TMPRSS11F: variants seen among roughly 807,000 people sequenced by gnomAD.
TMPRSS11F encodes the protein transmembrane protease serine 11F.
A neutral mutation model predicts 60.2 loss-of-function variants in TMPRSS11F; 47 were observed. That is an observed-to-expected ratio of 0.78 (90% CI 0.62 to 1.00). The LOEUF is 1.00. TMPRSS11F is among the 50% of genes least tolerant of loss of function. TMPRSS11F has a pLI of 0.00. For synonymous variants in TMPRSS11F, 166 were observed against 167.3 expected (o/e 0.99, Z 0.06); for missense variants, 519 against 522.9 (o/e 0.99, Z 0.07).
In TMPRSS11F at chr4:68,058,736, G is replaced by T. The variant is rs112379691; in HGVS notation, c.1158+590C>A. On this transcript the variant is annotated intron_variant, in intron 9 of 9. Coordinates refer to ENST00000356291, the MANE Select transcript of TMPRSS11F (RefSeq NM_207407.2). ...TTGGGAATGAGAGTTGGTAGACTAG[G>T]GTATAACATAGTAAGTGTATATAGG... Among the ~76,000 whole-genome samples, 255 of 152,258 alleles carry T rather than the reference G, an allele frequency of 1.7e-3. 2 individuals are homozygous for T. Among genetic ancestry groups the T allele is most frequent in the African/African-American group, 6.0e-3 (249 of 41,554 alleles).
Position 68,094,404 on chromosome 4 carries a change from TG to T in TMPRSS11F, c.164-3764del, listed in dbSNP as rs1440223374. On this transcript the variant is annotated intron_variant, in intron 2 of 9. Transcript: ENST00000356291. The stretch of plus-strand genomic sequence containing the variant: ...TCACACTCTGGGGACTGTTGTGGGG[TG>T]GGGGGAGGGGGGAGGGATAGCATTG... 3.0e-4 allele frequency among the ~76,000 whole-genome samples: 23 copies of T among 75,464 alleles called. 1 individual carries two copies. The South Asian group carries it at 4.9e-3, about 16-fold the overall frequency. The allele number at this position is 75,464 out of a possible 152,430, so 49.5% of individuals were successfully genotyped here. A position where few individuals can be genotyped will look rare whatever the true frequency, so the allele number is the denominator to read the frequency against.
chr4:68,078,949 T>A (rs10012085), intron 3 of TMPRSS11F, among the ~76,000 whole-genome samples: 2 of 151,744 alleles, frequency 1.3e-5, no homozygotes, highest in African/African-American at 2.4e-5. Context: ...GGGGAAGGAT[T>A]AGGAGTCTTA....
intron 1 of TMPRSS11F, among the ~76,000 whole-genome samples, chr4:68,106,597 G>A (rs937699431): frequency 1.3e-5 from 2 of 152,156 alleles, no homozygotes; most frequent in African/African-American, 4.8e-5. Flanking sequence ...GTGGGAAACT[G>A]CGGGGGGAGG....
chr4:68,124,819 G>T (rs914301095), intron 1 of TMPRSS11F, among the ~76,000 whole-genome samples: 1 of 151,904 alleles, frequency 6.6e-6, no homozygotes, highest in Admixed American at 6.6e-5. Flanking sequence ...ACTCCGTTTC[G>T]CACTGAGTTG....
Position 68,053,687 on chromosome 4 carries a change from A to T in TMPRSS11F, c.*222T>A, listed in dbSNP as rs1722985284. On this transcript the variant is annotated 3_prime_UTR_variant, in exon 10 of 10. Coordinates refer to ENST00000356291, the MANE Select transcript of TMPRSS11F (RefSeq NM_207407.2). ...AAGCAGTTTCCCTTGTGAGTAAGGAATAGGTGCTGTCTGTCATTTGCTGTG... is the reference window on the plus strand; with the variant it reads ...AAGCAGTTTCCCTTGTGAGTAAGGATTAGGTGCTGTCTGTCATTTGCTGTG... The T allele has an allele frequency of 2.4e-6, 1 of 419,100 alleles. No individual in the cohort carries two copies. The highest frequency in any genetic ancestry group is 2.0e-5 in the African/African-American group (1 of 49,450). 26.0% of individuals were successfully genotyped at this position (419,100 alleles called of 1,614,324 possible). A position where few individuals can be genotyped will look rare whatever the true frequency, so the allele number is the denominator to read the frequency against.
At chr4:68,106,552 A>T (rs1236219661) in intron 1 of TMPRSS11F, among the ~76,000 whole-genome samples, 1 of 152,166 alleles carries the variant, frequency 6.6e-6, no homozygotes, top group Non-Finnish European at 1.5e-5. Context: ...TCATTATGAT[A>T]AGTGACTTCA....
chr4:68,084,791 A>T (rs1723776085), intron 3 of TMPRSS11F, among the ~76,000 whole-genome samples: 1 of 149,638 alleles, frequency 6.7e-6, no homozygotes, highest in East Asian at 2.0e-4. Flanking sequence ...TGTGCAGGTT[A>T]GTTACATATG....
At chr4:68,122,584 T>C (rs1318795166) in intron 1 of TMPRSS11F, among the ~76,000 whole-genome samples, 2 of 152,314 alleles carry the variant, frequency 1.3e-5, no homozygotes, top group East Asian at 3.9e-4. Flanking sequence ...GCAATTCTAA[T>C]AGGTAGATTC....
chr4:68,105,460 T>C (rs917199869), intron 1 of TMPRSS11F, among the ~76,000 whole-genome samples: 1 of 152,160 alleles, frequency 6.6e-6, no homozygotes, highest in African/African-American at 2.4e-5. Context: ...GCTTTGCTAC[T>C]ATCAGCAAGC....
chr4:68,107,856 G>C (rs983537319), intron 1 of TMPRSS11F, among the ~76,000 whole-genome samples: 2 of 152,164 alleles, frequency 1.3e-5, no homozygotes, highest in Admixed American at 1.3e-4. Context: ...AGAATCGCTT[G>C]AACCCAGGAG....
intron 2 of TMPRSS11F, among the ~76,000 whole-genome samples, chr4:68,090,991 T>C (rs1403306579): frequency 6.6e-6 from 1 of 152,208 alleles, no homozygotes; most frequent in Non-Finnish European, 1.5e-5. Context: ...TGCTAACAGG[T>C]ATATCAGATA....
intron 8 of TMPRSS11F, among the ~76,000 whole-genome samples, chr4:68,060,144 T>C (rs1723129362): frequency 6.6e-6 from 1 of 151,594 alleles, no homozygotes; most frequent in African/African-American, 2.4e-5. Flanking sequence ...AAGTTGGATA[T>C]GCATGGGGCA....
At chr4:68,120,592 T>G (rs1023387940) in intron 1 of TMPRSS11F, among the ~76,000 whole-genome samples, 1 of 151,362 alleles carries the variant, frequency 6.6e-6, no homozygotes, top group Non-Finnish European at 1.5e-5. Context: ...GTTTCACCGT[T>G]TTAGCCGGGA....
chr4:68,111,334 T>C (rs1724406802), intron 1 of TMPRSS11F, among the ~76,000 whole-genome samples: 1 of 152,150 alleles, frequency 6.6e-6, no homozygotes, highest in African/African-American at 2.4e-5. Flanking sequence ...TCAGACATCT[T>C]TGCCTACTGT....
intron 1 of TMPRSS11F, among the ~76,000 whole-genome samples, chr4:68,127,597 A>C (rs1238606592): frequency 6.6e-6 from 1 of 152,180 alleles, no homozygotes; most frequent in African/African-American, 2.4e-5. Flanking sequence ...TTGAAATCAT[A>C]GAATTAAGCA....
chr4:68,068,515 G>A (rs1723377665), intron 7 of TMPRSS11F, 103 bp downstream of exon 7: 6 of 946,580 alleles, frequency 6.3e-6, no homozygotes, highest in Non-Finnish European at 1.0e-5. Context: ...TACCCTGAAT[G>A]GAGCAAAGGT....
Position 68,054,061 on chromosome 4 carries a change from A to C in TMPRSS11F, c.1165T>G (p.Ser389Ala), listed in dbSNP as rs1722993683. The C allele has an allele frequency of 1.2e-6, 2 of 1,611,710 alleles. No homozygotes were observed. The highest frequency in any genetic ancestry group is 1.7e-6 in the Non-Finnish European group (2 of 1,178,534). The change falls in exon 10 of 10, where the codon TCT becomes GCT. Residue 389 changes from serine to alanine, a missense_variant. Ser to Ala is a moderately conservative substitution (Grantham distance 99, BLOSUM62 1). Transcript: ENST00000356291. ...EGKIDACKGD[S>A]GGPLVYDNHD... Reference sequence around the variant, plus strand: ...TTATCATAAACCAGAGGTCCACCAGAATCTCCCTGAAATAAAAACATATTT... The same window carrying C: ...TTATCATAAACCAGAGGTCCACCAGCATCTCCCTGAAATAAAAACATATTT...
At chr4:68,079,438 C>G (rs368644858) in intron 3 of TMPRSS11F, among the ~76,000 whole-genome samples, 1 of 152,138 alleles carries the variant, frequency 6.6e-6, no homozygotes, top group Admixed American at 6.5e-5. Flanking sequence ...AAGAAGCCCT[C>G]AAAGGCATCT....
chr4:68,127,163 C>T (rs940926134), intron 1 of TMPRSS11F, among the ~76,000 whole-genome samples: 2 of 152,150 alleles, frequency 1.3e-5, no homozygotes, highest in Middle Eastern at 3.2e-3. Context: ...TGACAACTTC[C>T]AACATCTATT....
Sources: gnomAD v4.1 joint callset for allele counts (sites outside exome capture counted in the v4.1 genomes callset) on GRCh38, gnomAD v4.1.1 for gene constraint, MANE v1.5 for transcripts, NCBI Gene and HGNC (gene_info 2026-07-23, HGNC 2026-07-21) for gene names.